Variants in KLF9 observed in about 807,000 individuals in gnomAD.
KLF9 encodes Krueppel-like factor 9.
Under a neutral mutation model 17.3 loss-of-function variants are expected in KLF9, and 2 were observed. That is an observed-to-expected ratio of 0.12 (90% CI 0.05 to 0.36). The LOEUF is 0.36. Ranked by LOEUF, KLF9 falls within the 10% of genes least tolerant of loss-of-function variation. KLF9 has a pLI of 1.00. For missense variants in KLF9, 226 were observed against 333.2 expected (o/e 0.68, Z 2.51); for synonymous variants, 138 against 139.2 (o/e 0.99, Z 0.06).
At chr9:70,397,551 C>T (rs910364007) in intron 1 of KLF9, among the ~76,000 whole-genome samples, 1 of 152,056 alleles carries the variant, frequency 6.6e-6, no homozygotes, top group African/African-American at 2.4e-5. Context: ...CTATTTCCAC[C>T]TCTCCTACTT....
chr9:70,408,821 A>G (rs561113643), intron 1 of KLF9, among the ~76,000 whole-genome samples: 1 of 151,602 alleles, frequency 6.6e-6, no homozygotes, highest in East Asian at 2.0e-4. Flanking sequence ...TCTGTTTTCC[A>G]TATTGGAGGA....
At chr9:70,410,795 T>C (rs889117368) in intron 1 of KLF9, among the ~76,000 whole-genome samples, 1 of 152,216 alleles carries the variant, frequency 6.6e-6, no homozygotes, top group African/African-American at 2.4e-5. Context: ...TCCAAATGCA[T>C]GAGACCTCCA....
At chr9:70,402,349 T>A (rs2118919446) in intron 1 of KLF9, among the ~76,000 whole-genome samples, 1 of 152,358 alleles carries the variant, frequency 6.6e-6, no homozygotes, top group Non-Finnish European at 1.5e-5. Context: ...TCTTATGATT[T>A]ATTACAGTGT....
At position 70,413,604 on chromosome 9, in the gene KLF9, C is replaced by T; in HGVS notation, c.-241G>A. The stretch of plus-strand genomic sequence containing the variant: ...GCATCCACGGCCCCGGGCTCCGCCG[C>T]GCCGCCGCCTCTAGCCGCCGCCCCT... On this transcript the variant is annotated 5_prime_UTR_variant, in exon 1 of 2. Coordinates refer to ENST00000377126, the MANE Select transcript of KLF9 (RefSeq NM_001206.4). The surrounding 1 kb of genome is among the most constrained non-coding windows in gnomAD (Gnocchi z 5.6). 4.7e-6 allele frequency: 1 copy of T among 213,188 alleles called. No individual in the cohort carries two copies. The highest frequency in any genetic ancestry group is 8.9e-6 in the Non-Finnish European group (1 of 112,346). The allele number at this position is 213,188 out of a possible 1,614,324, so 13.2% of individuals were successfully genotyped here. A position where few individuals can be genotyped will look rare whatever the true frequency, so the allele number is the denominator to read the frequency against.
chr9:70,407,504 T>C (rs958248303), intron 1 of KLF9, among the ~76,000 whole-genome samples: 8 of 152,228 alleles, frequency 5.3e-5, no homozygotes, highest in African/African-American at 1.7e-4. Context: ...ACTCTGTAAT[T>C]TGACTCCACT....
At chr9:70,403,010 C>T (rs536335460) in intron 1 of KLF9, among the ~76,000 whole-genome samples, 1 of 152,134 alleles carries the variant, frequency 6.6e-6, no homozygotes, top group East Asian at 1.9e-4. Context: ...ATTAGCCTGG[C>T]ATGGTGGGGT....
intron 1 of KLF9, among the ~76,000 whole-genome samples, chr9:70,389,523 T>C (rs1247000531): frequency 1.3e-5 from 2 of 152,154 alleles, no homozygotes; most frequent in African/African-American, 4.8e-5. Flanking sequence ...GACTTGACAA[T>C]TTCCACATCC....
At chr9:70,403,633 C>T (rs368711031) in intron 1 of KLF9, among the ~76,000 whole-genome samples, 2 of 152,026 alleles carry the variant, frequency 1.3e-5, no homozygotes, top group African/African-American at 2.4e-5. Flanking sequence ...CCACAGACAC[C>T]GAAATGAGAG....
Position 70,386,666 on chromosome 9 carries a change from C to T in KLF9, c.*1110G>A, listed in dbSNP as rs1033223701. ...CTGTTATGCACACATTCAAATAAAA[C>T]CCAACAGAGTCAAAAGCTCTCTCCC... On this transcript the variant is annotated 3_prime_UTR_variant, in exon 2 of 2. Transcript: ENST00000377126. The T allele has an allele frequency of 6.6e-6, 1 of 152,552 alleles. No homozygotes were observed. The highest frequency in any genetic ancestry group is 1.5e-5 in the Non-Finnish European group (1 of 68,030). 9.4% of individuals were successfully genotyped at this position (152,552 alleles called of 1,614,324 possible).
intron 1 of KLF9, among the ~76,000 whole-genome samples, chr9:70,409,033 T>C (rs1313881059): frequency 7.5e-6 from 1 of 133,682 alleles, no homozygotes; most frequent in African/African-American, 2.7e-5. Context: ...TATATATATA[T>C]ATGTGTATAT....
At chr9:70,394,320 TTTAG>T (rs1021033251) in intron 1 of KLF9, among the ~76,000 whole-genome samples, 47 of 55,688 alleles carry the variant, frequency 8.4e-4, no homozygotes, top group African/African-American at 2.6e-3. Flanking sequence ...CACACACACA[TTTAG>T]TATCATTTAA....
At position 70,389,253 on chromosome 9, in the gene KLF9, C is replaced by T. The variant is rs535505950; in HGVS notation, c.506-1248G>A. Among the ~76,000 whole-genome samples, 23 of 152,228 alleles carry T rather than the reference C, an allele frequency of 1.5e-4. No homozygotes were observed. In the South Asian group the frequency reaches 4.1e-3, roughly 27 times the overall value. On this transcript the variant is annotated intron_variant, in intron 1 of 1. Transcript: ENST00000377126. ...CTCTTCTCCCATTTCCAAACAATTC[C>T]AGTTTCTTCTATATTCCTCATAAAA...
intron 1 of KLF9, among the ~76,000 whole-genome samples, chr9:70,404,354 C>T (rs970448464): frequency 4.6e-5 from 7 of 152,076 alleles, no homozygotes; most frequent in Admixed American, 3.9e-4. Flanking sequence ...AATCCTAACA[C>T]TCTGGGAGGC....
rs2118904312 is a variant in KLF9 at position 70,387,346 on chromosome 9, C to G, written c.*430G>C. Reference sequence around the variant, plus strand: ...AGGGCCCAGAATCACTGTGCGAGGCCACAGGTCAACTCACCCAGCGGACAT... The same window carrying G: ...AGGGCCCAGAATCACTGTGCGAGGCGACAGGTCAACTCACCCAGCGGACAT... On this transcript the variant is annotated 3_prime_UTR_variant, in exon 2 of 2. Coordinates refer to ENST00000377126, the MANE Select transcript of KLF9 (RefSeq NM_001206.4). 1 of 182,184 alleles carries G rather than the reference C, an allele frequency of 5.5e-6. No individual in the cohort carries two copies. The highest frequency in any genetic ancestry group is 1.3e-4 in the East Asian group (1 of 7,674). 11.3% of individuals were successfully genotyped at this position (182,184 alleles called of 1,614,324 possible).
In KLF9 at chr9:70,406,889, G is replaced by A. The variant is rs1587742607; in HGVS notation, c.505+5970C>T. ...CTGAGAACAGCCAAAGGGAAAGAGA[G>A]AGAGAGAGAGAAAAAAAAAAAAAGA... is the stretch of plus-strand genomic sequence containing the variant. On this transcript the variant is annotated intron_variant, in intron 1 of 1. Transcript: ENST00000377126. Among the ~76,000 whole-genome samples the A allele has an allele frequency of 3.2e-5, 4 of 124,778 alleles. No individual in the cohort carries two copies. In the Admixed American group the frequency reaches 3.5e-4, roughly 11 times the overall value. 81.9% of individuals were successfully genotyped at this position (124,778 alleles called of 152,430 possible).
At chr9:70,388,728 A>C (rs1227790983) in intron 1 of KLF9, among the ~76,000 whole-genome samples, 1 of 152,142 alleles carries the variant, frequency 6.6e-6, no homozygotes, top group African/African-American at 2.4e-5. Context: ...TGAGCTCCTG[A>C]GTGCAGGGGC....
In KLF9 at chr9:70,407,276, T is replaced by G. The variant is rs2037262396; in HGVS notation, c.505+5583A>C. Among the ~76,000 whole-genome samples the G allele has an allele frequency of 2.0e-5, 3 of 152,182 alleles. No homozygotes were observed. The South Asian group carries it at 6.2e-4, about 31-fold the overall frequency. On this transcript the variant is annotated intron_variant, in intron 1 of 1. Transcript: ENST00000377126. ...GACAGGAATGTAAATCTGACCCTCA[T>G]GTTCAGAATCCAAGAATTCATTTCC...
At chr9:70,389,306 A>T (rs1053863187) in intron 1 of KLF9, among the ~76,000 whole-genome samples, 21 of 152,120 alleles carry the variant, frequency 1.4e-4, no homozygotes, top group African/African-American at 4.3e-4. Context: ...CTAAGCATAA[A>T]GCTAAGGGCT....
rs1378795849 is a variant in KLF9 at position 70,413,069 on chromosome 9, C to T, written c.295G>A (p.Val99Met). ...GGACTCGACCCAGATTCGGTGGTCA[C>T]GTCGCTGTCGGATCCCATATCCTCA... ...PDEDMGSDSD[V>M]TTESGSSPSH... The change falls in exon 1 of 2, where the codon GTG becomes ATG. Residue 99 changes from valine to methionine, a missense_variant. Coordinates refer to ENST00000377126, the MANE Select transcript of KLF9 (RefSeq NM_001206.4). This position sits in a 1 kb window ranked among gnomAD's most constrained non-coding sequence, Gnocchi z 5.6. The T allele has an allele frequency of 3.7e-6, 6 of 1,613,968 alleles. No homozygotes were observed. The Admixed American group carries it at 1.0e-4, about 27-fold the overall frequency.
Sources: allele counts gnomAD v4.1 joint callset (sites outside exome capture counted in the v4.1 genomes callset), GRCh38; gene constraint gnomAD v4.1.1; non-coding constraint Gnocchi (gnomAD v3.1); transcripts MANE v1.5; gene names NCBI Gene and HGNC (gene_info 2026-07-23, HGNC 2026-07-21).